PHKB: variants seen among roughly 807,000 people sequenced by gnomAD.
PHKB encodes the protein phosphorylase b kinase regulatory subunit beta.
Under a neutral mutation model 152.1 loss-of-function variants are expected in PHKB, and 122 were observed. The ratio of observed to expected loss-of-function variants is 0.80; its 90% CI spans 0.69 to 0.93. The LOEUF is 0.93. Ranked by LOEUF, PHKB falls within the 40% of genes least tolerant of loss-of-function variation. The pLI is 0.00. For missense variants in PHKB, 1,304 were observed against 1,328.4 expected, an observed-to-expected ratio of 0.98 and a Z score of 0.29; for synonymous variants, 436 against 464.9, an observed-to-expected ratio of 0.94 and a Z score of 0.80.
At chr16:47,492,673 C>CA (rs1030644018) in intron 1 of PHKB, among the ~76,000 whole-genome samples, 3 of 151,990 alleles carry the variant, frequency 2.0e-5, no homozygotes, top group African/African-American at 4.8e-5. Context: ...CCTTCCGTCA[C>CA]AAAAAAGAAA....
At chr16:47,479,563 T>C (rs1299235248) in intron 1 of PHKB, among the ~76,000 whole-genome samples, 4 of 152,018 alleles carry the variant, frequency 2.6e-5, no homozygotes, top group Non-Finnish European at 5.9e-5. Flanking sequence ...GAGAAACTGC[T>C]ATTCTAACAA....
At chr16:47,693,779 TA>T (rs997248905) in intron 28 of PHKB, among the ~76,000 whole-genome samples, 1 of 152,160 alleles carries the variant, frequency 6.6e-6, no homozygotes, top group Admixed American at 6.5e-5. Context: ...TCATATTTAA[TA>T]AAAAAAATTG....
At chr16:47,599,071 ATC>A in intron 13 of PHKB, 1 of 593,998 alleles carries the variant, frequency 1.7e-6, no homozygotes, top group South Asian at 2.1e-5. Context: ...TGGGAAGGTT[ATC>A]TCTGGTTAGA....
At chr16:47,666,533 C>T (rs900168346) in intron 25 of PHKB, among the ~76,000 whole-genome samples, 1 of 152,246 alleles carries the variant, frequency 6.6e-6, no homozygotes, top group African/African-American at 2.4e-5. Flanking sequence ...ACTCTGTCAC[C>T]TCCTCCTCAC....
intron 10 of PHKB, among the ~76,000 whole-genome samples, chr16:47,593,204 A>G (rs1192358614): frequency 5.4e-5 from 7 of 130,762 alleles, no homozygotes; most frequent in South Asian, 2.9e-4. Flanking sequence ...AGAGAGAGAG[A>G]GGGAGAAAGA....
intron 27 of PHKB, among the ~76,000 whole-genome samples, chr16:47,690,630 G>C (rs1246578010): frequency 6.6e-6 from 1 of 152,108 alleles, no homozygotes; most frequent in African/African-American, 2.4e-5. Context: ...GGAGTGAAGA[G>C]ACCTTTCTTA....
intron 23 of PHKB, among the ~76,000 whole-genome samples, chr16:47,662,186 A>G (rs1338882711): frequency 6.6e-6 from 1 of 152,162 alleles, no homozygotes; most frequent in Non-Finnish European, 1.5e-5. Flanking sequence ...TAGCTCTCTC[A>G]TGGTCTGCAG....
chr16:47,522,638 T>G (rs1970704369), intron 6 of PHKB, among the ~76,000 whole-genome samples: 1 of 151,842 alleles, frequency 6.6e-6, no homozygotes, highest in South Asian at 2.1e-4. Flanking sequence ...ATTAAATTAT[T>G]GACTTGAGAT....
At position 47,461,408 on chromosome 16, in the gene PHKB, G is replaced by C; in HGVS notation, c.58G>C (p.Ala20Pro). 20 of 1,613,310 alleles carry C rather than the reference G, an allele frequency of 1.2e-5. No homozygotes were observed. Among genetic ancestry groups the C allele is most frequent in the Non-Finnish European group, 1.7e-5 (20 of 1,179,812 alleles). Residue 20 changes from alanine to proline, a missense_variant, in exon 1 of 31, where the codon GCT becomes CCT. Transcript: ENST00000323584. ...GAGCTGGAAGGTCTTGGAGCGAAGA[G>C]CTCGGACCAAGCGCTCAGGTTTGGC... ...EVSWKVLERR[A>P]RTKRSGSVYE...
intron 1 of PHKB, chr16:47,463,864 C>G: frequency 1.3e-6 from 2 of 1,507,900 alleles, no homozygotes; most frequent in Non-Finnish European, 1.8e-6. Flanking sequence ...CTGATTGCTT[C>G]TAACCTTTAC....
chr16:47,592,416 T>A (rs547867207), intron 10 of PHKB, among the ~76,000 whole-genome samples: 1 of 152,392 alleles, frequency 6.6e-6, no homozygotes, highest in East Asian at 1.9e-4. Flanking sequence ...CCTTGCTTAT[T>A]GCAGAAATAC....
In PHKB at chr16:47,696,420, T is replaced by A. The variant is rs1402403198; in HGVS notation, c.2935T>A (p.Phe979Ile). ...LSDMTMYEMN[F>I]SLLVEDTLGN... The stretch of plus-strand genomic sequence containing the variant: ...AGATATGACCATGTATGAGATGAAT[T>A]TCTCTCTCCTTGTTGAAGACACGTT... Residue 979 changes from phenylalanine (F) to isoleucine (I), a missense_variant, in exon 29 of 31, where the codon TTC (phenylalanine) becomes ATC (isoleucine). By Grantham distance (21) the Phe-to-Ile change is conservative. Transcript: ENST00000323584. The A allele has an allele frequency of 6.2e-7, 1 of 1,609,358 alleles. No homozygotes were observed. Among genetic ancestry groups the A allele is most frequent in the Non-Finnish European group, 8.5e-7 (1 of 1,175,602 alleles).
At chr16:47,669,143 G>A (rs1973590646) in intron 25 of PHKB, 72 bp from the exon 26 acceptor site, 2 of 1,172,636 alleles carry the variant, frequency 1.7e-6, no homozygotes, top group South Asian at 1.2e-5. Context: ...GTCATTCTGA[G>A]CCTTGATTTT....
chr16:47,699,606 C>T lies in PHKB; in HGVS notation c.*240C>T. On this transcript the variant is annotated 3_prime_UTR_variant, in exon 31 of 31. Transcript: ENST00000323584. ...TTATGCCAACTATAATAGTAATCCT[C>T]ACTGAGTGATAAAAATAGTTTATGA... The T allele has an allele frequency of 3.7e-6, 2 of 546,536 alleles. No homozygotes were observed. The highest frequency in any genetic ancestry group is 6.6e-6 in the Non-Finnish European group (2 of 303,352). 33.9% of individuals were successfully genotyped at this position (546,536 alleles called of 1,614,324 possible). A position where few individuals can be genotyped will look rare whatever the true frequency, so the allele number is the denominator to read the frequency against.
intron 26 of PHKB, among the ~76,000 whole-genome samples, chr16:47,677,930 C>A (rs1973765784): frequency 7.5e-6 from 1 of 132,706 alleles, no homozygotes. Flanking sequence ...TCCCCCGACC[C>A]CACAACAGTC....
chr16:47,680,609 G>A (rs1246270050), intron 26 of PHKB, among the ~76,000 whole-genome samples: 1 of 152,090 alleles, frequency 6.6e-6, no homozygotes, highest in African/African-American at 2.4e-5. Flanking sequence ...GGGATCGGTG[G>A]TGATATCCCC....
At chr16:47,470,388 C>T (rs546193700) in intron 1 of PHKB, among the ~76,000 whole-genome samples, 15 of 152,360 alleles carry the variant, frequency 9.8e-5, no homozygotes, top group South Asian at 2.1e-4. Context: ...TGTTGTATGG[C>T]TTAAGAATGC....
intron 6 of PHKB, among the ~76,000 whole-genome samples, chr16:47,519,906 T>C (rs377115800): frequency 6.6e-6 from 1 of 152,206 alleles, no homozygotes; most frequent in Admixed American, 6.5e-5. Flanking sequence ...TCTATTATTT[T>C]CTATTACTAT....
At chr16:47,665,620 T>C in intron 25 of PHKB, 1 of 400,454 alleles carries the variant, frequency 2.5e-6, no homozygotes, top group Non-Finnish European at 4.7e-6. Context: ...ACCCTCTTAA[T>C]CCCTCCTATA....
Sources: gnomAD v4.1 joint callset for allele counts (sites outside exome capture counted in the v4.1 genomes callset) on GRCh38, gnomAD v4.1.1 for gene constraint, MANE v1.5 for transcripts, NCBI Gene and HGNC (gene_info 2026-07-23, HGNC 2026-07-21) for gene names.